Variants in RHOT1 observed in about 807,000 individuals in gnomAD.
RHOT1 encodes mitochondrial Rho GTPase 1.
RHOT1 carries 27 observed loss-of-function variants against 95.3 expected under a neutral mutation model. The observed-to-expected ratio is 0.28, with a 90% CI of 0.21 to 0.39. The LOEUF (loss-of-function observed/expected upper bound fraction) is 0.39, where lower values mean the gene tolerates loss of function less well. Among genes scored for constraint, RHOT1 ranks in the 10% least tolerant of loss-of-function variants. The pLI is 1.00. For missense variants in RHOT1, 578 were observed against 786.7 expected (o/e 0.73, Z 3.17); for synonymous variants, 227 against 263.5 (o/e 0.86, Z 1.34).
intron 1 of RHOT1, among the ~76,000 whole-genome samples, chr17:32,164,638 G>A (rs2033879157): frequency 6.6e-6 from 1 of 152,076 alleles, no homozygotes; most frequent in Admixed American, 6.5e-5. Context: ...GGCTGAGGCA[G>A]ATGGATGTCG....
rs752539672 is a variant in RHOT1, at chr17:32,202,839, T to C, written c.1271T>C (p.Ile424Thr). The change falls in exon 15 of 20, where the codon ATT becomes ACT. Residue 424 changes from isoleucine (I) to threonine (T), a missense_variant. Physicochemically the swap from Ile to Thr is moderately conservative, Grantham distance 89. Coordinates refer to ENST00000545287, the MANE Select transcript of RHOT1 (RefSeq NM_001033566.3). The stretch of plus-strand genomic sequence containing the variant: ...AGAAATGTGTTCAGATGTAATGTAA[T>C]TGGAGTGAAAAACTGTGGGAAAAGT... ...TQRNVFRCNVIGVKNCGKSGV... is the reference protein window; with the variant it reads ...TQRNVFRCNVTGVKNCGKSGV... 9 of 1,613,044 alleles carry C rather than the reference T, an allele frequency of 5.6e-6. No individual in the cohort carries two copies. Among genetic ancestry groups the C allele is most frequent in the African/African-American group, 1.3e-5 (1 of 75,014 alleles).
intron 16 of RHOT1, among the ~76,000 whole-genome samples, chr17:32,204,425 C>G (rs2037551130): frequency 1.3e-5 from 2 of 151,360 alleles, no homozygotes; most frequent in South Asian, 4.2e-4. Flanking sequence ...TGGTTCATGC[C>G]TGTAATCCCA....
At chr17:32,207,326 T>TG (rs2037828944) in intron 17 of RHOT1, 1 of 251,252 alleles carries the variant, frequency 4.0e-6, no homozygotes, top group Admixed American at 5.1e-5. Context: ...GCCTTCTCTC[T>TG]GATGAAAAAA....
At chr17:32,187,643 G>C (rs1357385957) in intron 8 of RHOT1, among the ~76,000 whole-genome samples, 1 of 151,960 alleles carries the variant, frequency 6.6e-6, no homozygotes, top group African/African-American at 2.4e-5. Context: ...GGAGTGCAGT[G>C]GTGTGATCTC....
intron 1 of RHOT1, among the ~76,000 whole-genome samples, chr17:32,166,917 A>G (rs1463819829): frequency 1.3e-5 from 2 of 152,198 alleles, no homozygotes; most frequent in African/African-American, 4.8e-5. Context: ...AATGTTCTTG[A>G]TGGCATCTAG....
chr17:32,184,809 C>T (rs1402535266), intron 8 of RHOT1, among the ~76,000 whole-genome samples: 2 of 152,116 alleles, frequency 1.3e-5, no homozygotes, highest in Non-Finnish European at 2.9e-5. Context: ...TGGCTGGATA[C>T]ATCATATTTA....
chr17:32,207,011 C>T lies in RHOT1; in HGVS notation c.1518C>T (p.Tyr506=). ...TCAGCAATCCCAAATCCTTTGAATA[C>T]TGTGCCAGGATTTTTAAGGTTTGTT... ...YDVSNPKSFE[Y]CARIFKQHFM... The change falls in exon 17 of 20, where the codon TAC becomes TAT. Residue 506 remains tyrosine (Y), a synonymous_variant. Coordinates refer to ENST00000545287, the MANE Select transcript of RHOT1 (RefSeq NM_001033566.3). 2 of 1,611,188 alleles carry T rather than the reference C, an allele frequency of 1.2e-6. No individual in the cohort carries two copies. Among genetic ancestry groups the T allele is most frequent in the Non-Finnish European group, 1.7e-6 (2 of 1,179,040 alleles).
intron 3 of RHOT1, among the ~76,000 whole-genome samples, chr17:32,174,144 C>T (rs950370472): frequency 1.1e-4 from 17 of 152,100 alleles, no homozygotes; most frequent in Non-Finnish European, 2.4e-4. Flanking sequence ...TTCCATAATA[C>T]CTGTGGCTGT....
At chr17:32,167,841 C>T (rs2034227563) in intron 1 of RHOT1, among the ~76,000 whole-genome samples, 1 of 151,938 alleles carries the variant, frequency 6.6e-6, no homozygotes, top group South Asian at 2.1e-4. Context: ...TTAAGATCAT[C>T]TTGGGCAACA....
intron 8 of RHOT1, among the ~76,000 whole-genome samples, chr17:32,185,256 A>T (rs1239361562): frequency 6.6e-6 from 1 of 151,982 alleles, no homozygotes; most frequent in East Asian, 1.9e-4. Context: ...AATGATAGGC[A>T]TGCGCCACTA....
At chr17:32,213,532 T>C (rs957795045) in intron 19 of RHOT1, among the ~76,000 whole-genome samples, 12 of 152,340 alleles carry the variant, frequency 7.9e-5, no homozygotes, top group African/African-American at 2.9e-4. Flanking sequence ...CATTTTGTCT[T>C]CCTGTCTTAT....
At chr17:32,209,172 G>A (rs2037960023) in intron 18 of RHOT1, 1 of 370,716 alleles carries the variant, frequency 2.7e-6, no homozygotes, top group Non-Finnish European at 4.8e-6. Context: ...GATTTGTACA[G>A]ATTTTTAAAG....
chr17:32,211,128 A>T lies in RHOT1; in HGVS notation c.1752A>T (p.Leu584Phe). The T allele has an allele frequency of 6.2e-7, 1 of 1,607,844 alleles. No individual in the cohort carries two copies. Among genetic ancestry groups the T allele is most frequent in the South Asian group, 1.1e-5 (1 of 90,444 alleles). The part of the protein sequence containing the change: ...TTMAMYPHAR[L>F]RCMCTCNRCT... Reference sequence around the variant, plus strand: ...TGTGTTTTCGCAGCCATGCCCGGTTACGCTGTATGTGCACCTGCAACAGGT... The same window carrying T: ...TGTGTTTTCGCAGCCATGCCCGGTTTCGCTGTATGTGCACCTGCAACAGGT... Residue 584 changes from leucine to phenylalanine, a missense_variant, in exon 19 of 20, where the codon TTA (leucine) becomes TTT (phenylalanine). Coordinates refer to ENST00000545287, the MANE Select transcript of RHOT1 (RefSeq NM_001033566.3).
intron 1 of RHOT1, among the ~76,000 whole-genome samples, chr17:32,155,369 C>T (rs2032848487): frequency 6.6e-6 from 1 of 151,900 alleles, no homozygotes; most frequent in African/African-American, 2.4e-5. Context: ...ACCATGTTAA[C>T]CAGGATGGTC....
intron 1 of RHOT1, among the ~76,000 whole-genome samples, chr17:32,149,635 A>ATATATATATATATGTGTGTGTG (rs1445281403): frequency 5.1e-5 from 3 of 59,098 alleles, no homozygotes; most frequent in Non-Finnish European, 6.8e-5. Context: ...ATATATATAT[A>ATATATATATATATGTGTGTGTG]TGTGTGTGTG....
In RHOT1 at chr17:32,193,941, C is replaced by G; in HGVS notation, c.749-46C>G. The G allele has an allele frequency of 2.5e-6, 4 of 1,594,340 alleles. No individual in the cohort carries two copies. The South Asian group carries it at 3.4e-5, about 14-fold the overall frequency. Reference sequence around the variant, plus strand: ...TTGCCATTATGTTACATGCTTTTCTCCTATGTGACTCTGTACACTTTATTT... The same window carrying G: ...TTGCCATTATGTTACATGCTTTTCTGCTATGTGACTCTGTACACTTTATTT... On this transcript the variant is annotated intron_variant, in intron 10 of 19. Coordinates refer to ENST00000545287, the MANE Select transcript of RHOT1 (RefSeq NM_001033566.3).
chr17:32,195,300 A>C (rs551805147), intron 11 of RHOT1, among the ~76,000 whole-genome samples: 3 of 152,080 alleles, frequency 2.0e-5, no homozygotes, highest in African/African-American at 7.2e-5. Context: ...TCTTTGTAGA[A>C]AAGCGGTCTC....
At chr17:32,220,916 TA>T in intron 19 of RHOT1, 1 of 256,456 alleles carries the variant, frequency 3.9e-6, no homozygotes. Context: ...AATGAGTGTA[TA>T]TTAGCTTTTT....
chr17:32,167,427 C>T (rs1025021995), intron 1 of RHOT1, among the ~76,000 whole-genome samples: 6 of 151,858 alleles, frequency 4.0e-5, no homozygotes. Context: ...CCCGGGTTCA[C>T]ACCATTCTCC....
Sources: gnomAD v4.1 joint callset for allele counts (sites outside exome capture counted in the v4.1 genomes callset) on GRCh38, gnomAD v4.1.1 for gene constraint, MANE v1.5 for transcripts, NCBI Gene and HGNC (gene_info 2026-07-23, HGNC 2026-07-21) for gene names.